The following WWOX variants were observed in gnomAD, a reference collection of about 807,000 sequenced individuals.
The protein encoded by WWOX is WW domain containing oxidoreductase.
WWOX carries 69 observed loss-of-function variants against 46.2 expected under a neutral mutation model. The ratio of observed to expected loss-of-function variants is 1.49; its 90% CI spans 1.23 to 1.82. The LOEUF is 1.82. Ranked by LOEUF, WWOX falls within the 40% of genes most tolerant of loss-of-function variation. WWOX has a pLI of 0.00. For missense variants in WWOX, 919 were observed against 542.6 expected (o/e 1.69, Z -6.89); for synonymous variants, 359 against 202.6 (o/e 1.77, Z -6.56).
At chr16:78,636,650 T>C (rs2046578817) in intron 8 of WWOX, among the ~76,000 whole-genome samples, 2 of 152,192 alleles carry the variant, frequency 1.3e-5, no homozygotes, top group Admixed American at 6.5e-5. Flanking sequence ...CTCAAGTTTC[T>C]GGAATTCTAA....
chr16:78,650,736 G>A (rs2046948446), intron 8 of WWOX, among the ~76,000 whole-genome samples: 1 of 152,168 alleles, frequency 6.6e-6, no homozygotes, highest in African/African-American at 2.4e-5. Context: ...TTTATGCGTG[G>A]TGAAAGGTTA....
At chr16:78,148,814 C>T (rs950524090) in intron 4 of WWOX, among the ~76,000 whole-genome samples, 2 of 133,864 alleles carry the variant, frequency 1.5e-5, no homozygotes, top group Admixed American at 9.0e-5. Flanking sequence ...AGGAGAATGG[C>T]GTGAACCTGG....
chr16:78,482,383 G>A (rs1291864744), intron 8 of WWOX, among the ~76,000 whole-genome samples: 1 of 152,014 alleles, frequency 6.6e-6, no homozygotes, highest in Non-Finnish European at 1.5e-5. Flanking sequence ...CACCATAGCT[G>A]GCTAATTTTT....
chr16:78,773,927 C>A (rs1024873593), intron 8 of WWOX, among the ~76,000 whole-genome samples: 3 of 152,168 alleles, frequency 2.0e-5, no homozygotes, highest in Non-Finnish European at 4.4e-5. Context: ...ACAGTTTTCC[C>A]AGGCCCTTCA....
At chr16:78,922,506 G>A (rs886680514) in intron 8 of WWOX, among the ~76,000 whole-genome samples, 10 of 151,790 alleles carry the variant, frequency 6.6e-5, no homozygotes, top group Middle Eastern at 3.2e-3. Flanking sequence ...AGCCTCCTGA[G>A]TCACTGGGAT....
intron 5 of WWOX, among the ~76,000 whole-genome samples, chr16:78,257,121 T>G (rs553813386): frequency 2.0e-5 from 3 of 152,136 alleles, no homozygotes; most frequent in African/African-American, 7.2e-5. Flanking sequence ...GGGGTCTTCA[T>G]CTGGCTACTA....
rs117271618 is a variant in WWOX at position 78,710,342 on chromosome 16, C to T, written c.1056+277590C>T. On this transcript the variant is annotated intron_variant, in intron 8 of 8. Transcript: ENST00000566780. ...AAGAAATGCGGCAGCTGCTTCTAGCCGCTCCATCCTTCCTTTTCCCAGTGC... is the reference window on the plus strand; with the variant it reads ...AAGAAATGCGGCAGCTGCTTCTAGCTGCTCCATCCTTCCTTTTCCCAGTGC... Among the ~76,000 whole-genome samples the T allele has an allele frequency of 3.9e-3, 588 of 151,108 alleles. 4 individuals are homozygous for T. Among genetic ancestry groups the T allele is most frequent in the Non-Finnish European group, 7.2e-3 (487 of 67,820 alleles).
At chr16:78,882,297 A>C (rs1484881002) in intron 8 of WWOX, among the ~76,000 whole-genome samples, 2 of 152,202 alleles carry the variant, frequency 1.3e-5, no homozygotes, top group Admixed American at 1.3e-4. Flanking sequence ...TATTTGTATC[A>C]TCATTTCATT....
chr16:79,112,885 G>C (rs1228125181), intron 8 of WWOX, among the ~76,000 whole-genome samples: 1 of 152,154 alleles, frequency 6.6e-6, no homozygotes, highest in Non-Finnish European at 1.5e-5. Context: ...CTCAAGTCTT[G>C]GACAGTCTAG....
intron 8 of WWOX, among the ~76,000 whole-genome samples, chr16:78,443,322 C>A (rs1158709343): frequency 8.6e-5 from 13 of 151,444 alleles, no homozygotes; most frequent in Non-Finnish European, 1.8e-4. Flanking sequence ...CAAAAAAAAA[C>A]CCAAAACTAT....
intron 6 of WWOX, among the ~76,000 whole-genome samples, chr16:78,392,278 C>T (rs1034637975): frequency 1.3e-5 from 2 of 152,044 alleles, no homozygotes; most frequent in Non-Finnish European, 2.9e-5. Context: ...CTATTGTGAG[C>T]CACACATGCA....
chr16:79,107,558 A>T (rs1463195818), intron 8 of WWOX, among the ~76,000 whole-genome samples: 1 of 152,208 alleles, frequency 6.6e-6, no homozygotes, highest in African/African-American at 2.4e-5. Context: ...GGATAGCCCA[A>T]AGACCAGCCT....
intron 8 of WWOX, among the ~76,000 whole-genome samples, chr16:78,546,939 C>A (rs1160360487): frequency 6.6e-6 from 1 of 151,790 alleles, no homozygotes; most frequent in Non-Finnish European, 1.5e-5. Context: ...TCAGTCTGGG[C>A]AACATGGTGA....
intron 8 of WWOX, among the ~76,000 whole-genome samples, chr16:78,554,970 A>G (rs1200124577): frequency 6.6e-6 from 1 of 152,132 alleles, no homozygotes. Context: ...GCACTGAGTA[A>G]GAAGAAAAGG....
chr16:78,894,760 AATC>A (rs1283845328), intron 8 of WWOX, among the ~76,000 whole-genome samples: 3 of 152,148 alleles, frequency 2.0e-5, no homozygotes, highest in Non-Finnish European at 4.4e-5. Context: ...ACGGGACTAA[AATC>A]ATGCCTTGAA....
intron 8 of WWOX, among the ~76,000 whole-genome samples, chr16:78,477,289 TTATG>T (rs1702053144): frequency 6.6e-6 from 1 of 152,310 alleles, no homozygotes; most frequent in South Asian, 2.1e-4. Context: ...GAAAAGCTCA[TTATG>T]TAAGCAGTAA....
chr16:78,798,804 A>G lies in WWOX; in HGVS notation c.1056+366052A>G, dbSNP rs533520922. Among the ~76,000 whole-genome samples the G allele has an allele frequency of 5.3e-5, 8 of 152,314 alleles. No individual in the cohort carries two copies. The South Asian group carries it at 1.0e-3, about 20-fold the overall frequency. On this transcript the variant is annotated intron_variant, in intron 8 of 8. Transcript: ENST00000566780. ...AATATAAACTGAAGGACACTGGTCTATTGAGAGACTTAGAAGCTAATGTTC... is the reference window on the plus strand; with the variant it reads ...AATATAAACTGAAGGACACTGGTCTGTTGAGAGACTTAGAAGCTAATGTTC...
intron 8 of WWOX, among the ~76,000 whole-genome samples, chr16:78,905,555 A>AT (rs2044940742): frequency 6.6e-6 from 1 of 151,932 alleles, no homozygotes; most frequent in Non-Finnish European, 1.5e-5. Flanking sequence ...TTAATTTTTT[A>AT]TTTTTTGTAG....
At chr16:78,409,390 C>A (rs1332607503) in intron 6 of WWOX, among the ~76,000 whole-genome samples, 4 of 152,064 alleles carry the variant, frequency 2.6e-5, no homozygotes, top group African/African-American at 9.7e-5. Flanking sequence ...GACACCTAGC[C>A]CCTGGGAACC....
Sources: allele counts gnomAD v4.1 joint callset (sites outside exome capture counted in the v4.1 genomes callset), GRCh38; gene constraint gnomAD v4.1.1; transcripts MANE v1.5; gene names NCBI Gene and HGNC (gene_info 2026-07-23, HGNC 2026-07-21).